Variants in ODF2 observed in about 807,000 individuals in gnomAD.
ODF2 encodes the protein outer dense fiber of sperm tails 2.
In ODF2, 47 loss-of-function variants were observed where a neutral mutation model predicts 110.2. The observed-to-expected ratio is 0.43, with a 90% CI of 0.34 to 0.54. The LOEUF (loss-of-function observed/expected upper bound fraction) is 0.54, where lower values mean the gene tolerates loss of function less well. ODF2 is among the 20% of genes least tolerant of loss of function. ODF2 has a pLI of 0.03. For synonymous variants in ODF2, 352 were observed against 397.7 expected, an observed-to-expected ratio of 0.89 and a Z score of 1.37; for missense variants, 812 against 1,054.5, an observed-to-expected ratio of 0.77 and a Z score of 3.19.
At chr9:128,475,461 T>C (rs891047348) in intron 8 of ODF2, among the ~76,000 whole-genome samples, 1 of 152,202 alleles carries the variant, frequency 6.6e-6, no homozygotes, top group Non-Finnish European at 1.5e-5. Flanking sequence ...TACTAAGATA[T>C]TTGTGGTGAA....
chr9:128,481,701 G>A (rs369758035), intron 9 of ODF2, 50 bp downstream of exon 9: 51 of 1,447,900 alleles, frequency 3.5e-5, no homozygotes, highest in Middle Eastern at 3.5e-4. Flanking sequence ...TGGCAAGAGC[G>A]TCGTTCCACT....
chr9:128,476,567 C>T (rs946183182), intron 8 of ODF2, among the ~76,000 whole-genome samples: 5 of 151,786 alleles, frequency 3.3e-5, no homozygotes, highest in African/African-American at 4.8e-5. Context: ...TAATTACAGG[C>T]GTGAGCCACC....
At chr9:128,465,739 C>CAAAA (rs34262754) in intron 4 of ODF2, among the ~76,000 whole-genome samples, 1 of 70,468 alleles carries the variant, frequency 1.4e-5, no homozygotes. Context: ...GACTCCGTCT[C>CAAAA]AAAAAAAAAA....
At chr9:128,467,275 A>G (rs1329748267) in intron 4 of ODF2, among the ~76,000 whole-genome samples, 2 of 151,496 alleles carry the variant, frequency 1.3e-5, no homozygotes, top group African/African-American at 4.9e-5. Context: ...AATGGTAAGT[A>G]TTTGCATATT....
chr9:128,492,701 G>C, exon 16 of ODF2: 2 of 1,613,688 alleles, frequency 1.2e-6, no homozygotes, highest in Non-Finnish European at 1.7e-6. Flanking sequence ...TGGTCCCTAG[G>C]TGATGAAGAC....
chr9:128,498,303 A>G, intron 18 of ODF2, 110 bp from the exon 19 acceptor site: 1 of 1,384,260 alleles, frequency 7.2e-7, no homozygotes. Flanking sequence ...CTCCTTGGAG[A>G]TTCTTGGCAT....
chr9:128,471,239 T>C (rs1451643351), intron 5 of ODF2, 69 bp from the exon 6 acceptor site: 24 of 1,480,252 alleles, frequency 1.6e-5, no homozygotes, highest in Non-Finnish European at 2.1e-5. Flanking sequence ...TCCAAAGCAT[T>C]GAGCCTAGCA....
chr9:128,484,017 A>T, exon 11 of ODF2: 1 of 1,613,428 alleles, frequency 6.2e-7, no homozygotes, highest in Non-Finnish European at 8.5e-7. Flanking sequence ...CTTCGGTCCA[A>T]AGAGGCTGAG....
intron 20 of ODF2, 66 bp from the exon 21 acceptor site, chr9:128,500,001 T>C: frequency 1.3e-6 from 2 of 1,575,164 alleles, no homozygotes; most frequent in Non-Finnish European, 1.7e-6. Context: ...AGAAAGTCCC[T>C]ATGTCTCTAT....
At chr9:128,462,972 T>C (rs948334297) in intron 4 of ODF2, among the ~76,000 whole-genome samples, 8 of 152,174 alleles carry the variant, frequency 5.3e-5, no homozygotes, top group African/African-American at 1.7e-4. Flanking sequence ...TAAATTATAA[T>C]ACATCTGGCT....
chr9:128,456,437 C>T (rs1408470400), intron 1 of ODF2, 182 bp downstream of exon 1: 3 of 1,509,320 alleles, frequency 2.0e-6, no homozygotes, highest in East Asian at 2.7e-5. Flanking sequence ...GGCGCGGGGC[C>T]TCTCCTCCTC....
chr9:128,455,190 T>A (rs893509505), upstream of ODF2: 1 of 1,535,182 alleles, frequency 6.5e-7, no homozygotes, highest in African/African-American at 1.4e-5. Flanking sequence ...GAAGCATAAT[T>A]GAGAAGATGG....
intron 8 of ODF2, among the ~76,000 whole-genome samples, chr9:128,477,315 G>A (rs1170129843): frequency 1.3e-5 from 2 of 151,874 alleles, no homozygotes; most frequent in Non-Finnish European, 2.9e-5. Flanking sequence ...CTGGGAGGCC[G>A]AGGTGGGAGA....
intron 3 of ODF2, 37 bp from the exon 4 acceptor site, chr9:128,460,905 G>A (rs752436781): frequency 6.2e-7 from 1 of 1,613,816 alleles, no homozygotes; most frequent in East Asian, 2.2e-5. Flanking sequence ...TGGCCAGCTG[G>A]GTGTGGAAGT....
chr9:128,485,054 A>C lies in ODF2; in HGVS notation c.1290+168A>C. 1.4e-6 allele frequency: 1 copy of C among 734,408 alleles called. No homozygotes were observed. Among genetic ancestry groups the C allele is most frequent in the East Asian group, 2.7e-5 (1 of 37,012 alleles). The allele number at this position is 734,408 out of a possible 1,614,324, so 45.5% of individuals were successfully genotyped here. ...AGGGAGAGGGAGTTAAGGGGATCAAATGGGTAAAAGCTGGAGGGATGGGTG... is the reference window on the plus strand; with the variant it reads ...AGGGAGAGGGAGTTAAGGGGATCAACTGGGTAAAAGCTGGAGGGATGGGTG... On this transcript the variant is annotated intron_variant, in intron 12 of 20. Coordinates refer to ENST00000604420, the Ensembl canonical transcript of ODF2. The surrounding 1 kb of genome is among the most constrained non-coding windows in gnomAD (Gnocchi z 5.0).
chr9:128,482,761 G>A (rs1199799399), intron 9 of ODF2, 55 bp from the exon 10 acceptor site: 2 of 1,410,730 alleles, frequency 1.4e-6, no homozygotes, highest in Non-Finnish European at 2.0e-6. Flanking sequence ...GTCCTCCCTG[G>A]GCCGGGCCTC....
At chr9:128,488,621 T>A (rs1479323842) in intron 14 of ODF2, among the ~76,000 whole-genome samples, 1 of 152,198 alleles carries the variant, frequency 6.6e-6, no homozygotes, top group African/African-American at 2.4e-5. Flanking sequence ...GAGGTTAATG[T>A]GGGCTCTCCT....
At chr9:128,455,553 CA>C (rs55634490), upstream of ODF2, among the ~76,000 whole-genome samples, 4 of 56,832 alleles carry the variant, frequency 7.0e-5, no homozygotes, top group South Asian at 1.4e-3. Flanking sequence ...GAATCTGTCT[CA>C]AAAAAAAAAA....
Position 128,484,585 on chromosome 9 carries a change from C to T in ODF2, c.1105-116C>T. 6.2e-6 allele frequency: 7 copies of T among 1,136,178 alleles called. No homozygotes were observed. The Admixed American group carries it at 6.8e-5, about 11-fold the overall frequency. The allele number at this position is 1,136,178 out of a possible 1,614,324, so 70.4% of individuals were successfully genotyped here. Reference sequence around the variant, plus strand: ...CAGCTAAGCACTTTTTTCTGTCTTCCTCGTTTCCTCTTTGCTCTTGCCTTT... The same window carrying T: ...CAGCTAAGCACTTTTTTCTGTCTTCTTCGTTTCCTCTTTGCTCTTGCCTTT... On this transcript the variant is annotated intron_variant, in intron 11 of 20. Transcript: ENST00000604420.
Sources: allele counts gnomAD v4.1 joint callset (sites outside exome capture counted in the v4.1 genomes callset), GRCh38; gene constraint gnomAD v4.1.1; non-coding constraint Gnocchi (gnomAD v3.1); transcripts MANE v1.5; gene names NCBI Gene and HGNC (gene_info 2026-07-23, HGNC 2026-07-21).